FBXL2: variants seen among roughly 807,000 people sequenced by gnomAD.
FBXL2 encodes F-box and leucine rich repeat protein 2.
Under a neutral mutation model 69.2 loss-of-function variants are expected in FBXL2, and 38 were observed. That is an observed-to-expected ratio of 0.55 (90% confidence interval 0.42 to 0.72). The LOEUF (loss-of-function observed/expected upper bound fraction) is 0.72, where lower values mean the gene tolerates loss of function less well. FBXL2 is among the 30% of genes least tolerant of loss of function. The pLI is 0.00. For missense variants in FBXL2, 354 were observed against 520.3 expected (o/e 0.68, Z 3.11); for synonymous variants, 192 against 201.3 (o/e 0.95, Z 0.39).
chr3:33,356,714 A>C (rs1401719675), intron 2 of FBXL2, among the ~76,000 whole-genome samples: 1 of 151,964 alleles, frequency 6.6e-6, no homozygotes, highest in East Asian at 1.9e-4. Flanking sequence ...GTTTTTGGGA[A>C]CTCTTACGGG....
chr3:33,393,463 A>C, intron 12 of FBXL2: 1 of 282,820 alleles, frequency 3.5e-6, no homozygotes, highest in Non-Finnish European at 5.7e-6. Context: ...AACTGAAATT[A>C]AAAAAAAAAA....
At chr3:33,383,367 A>G (rs541396776) in intron 13 of FBXL2, 4 of 153,184 alleles carry the variant, frequency 2.6e-5, no homozygotes, top group African/African-American at 9.6e-5. Flanking sequence ...AGAACTTAAG[A>G]GAATTACATA....
At chr3:33,372,144 G>A (rs1296507278) in intron 5 of FBXL2, among the ~76,000 whole-genome samples, 2 of 152,116 alleles carry the variant, frequency 1.3e-5, no homozygotes, top group East Asian at 1.9e-4. Context: ...TGCCTAGGCT[G>A]GTCTCAAACT....
chr3:33,381,868 G>A (rs995127254), intron 13 of FBXL2, among the ~76,000 whole-genome samples: 1 of 152,098 alleles, frequency 6.6e-6, no homozygotes, highest in African/African-American at 2.4e-5. Flanking sequence ...AGAGTGATTC[G>A]ATTCATGAGA....
intron 2 of FBXL2, among the ~76,000 whole-genome samples, chr3:33,301,134 C>A (rs2036256883): frequency 1.3e-5 from 2 of 152,136 alleles, no homozygotes; most frequent in African/African-American, 4.8e-5. Flanking sequence ...AAGCTTAAAT[C>A]TTTATTATTT....
the FBXL2 span, chr3:33,411,696 T>C: frequency 6.2e-7 from 1 of 1,606,158 alleles, no homozygotes; most frequent in Non-Finnish European, 8.5e-7. Flanking sequence ...ATCTATGTTT[T>C]AAAAAGAAGT....
At chr3:33,353,729 T>A (rs1273136276) in intron 2 of FBXL2, among the ~76,000 whole-genome samples, 2 of 152,224 alleles carry the variant, frequency 1.3e-5, no homozygotes, top group East Asian at 1.9e-4. Flanking sequence ...TTCAAAAAAT[T>A]TTTTTTTCTA....
intron 4 of FBXL2, 67 bp downstream of exon 4, chr3:33,359,424 CT>C: frequency 8.9e-7 from 1 of 1,128,748 alleles, no homozygotes. Context: ...CCTTTCCTGA[CT>C]TTTTATTTTA....
chr3:33,296,682 G>T (rs2035778708), intron 1 of FBXL2, among the ~76,000 whole-genome samples: 1 of 151,906 alleles, frequency 6.6e-6, no homozygotes, highest in African/African-American at 2.4e-5. Flanking sequence ...TTTATTTCTG[G>T]ATTCTCTTTA....
chr3:33,363,045 T>C lies in FBXL2; in HGVS notation c.196-1580T>C, dbSNP rs912558801. 1.1e-4 allele frequency among the ~76,000 whole-genome samples: 17 copies of C among 152,064 alleles called. No individual in the cohort carries two copies. The South Asian group carries it at 1.9e-3, about 17-fold the overall frequency. On this transcript the variant is annotated intron_variant, in intron 4 of 14. Coordinates refer to ENST00000484457, the MANE Select transcript of FBXL2 (RefSeq NM_012157.5). The stretch of plus-strand genomic sequence containing the variant: ...ATATGTATCCTGTGGGGTTTTTTGT[T>C]TGTTTGTTTTTATGAGACAGAGTCT...
intron 1 of FBXL2, among the ~76,000 whole-genome samples, chr3:33,286,534 G>A (rs940134521): frequency 7.9e-5 from 12 of 152,184 alleles, no homozygotes; most frequent in Non-Finnish European, 1.2e-4. Flanking sequence ...CTCCAACTCC[G>A]TGCTCAGAGA....
Position 33,373,264 on chromosome 3 carries a change from T to A in FBXL2, c.364T>A (p.Cys122Ser), listed in dbSNP as rs2042413597. Residue 122 changes from cysteine to serine, a missense_variant, in exon 7 of 15, where the codon TGT (cysteine) becomes AGT (serine). Cys to Ser is a moderately radical substitution (Grantham distance 112). Coordinates refer to ENST00000484457, the MANE Select transcript of FBXL2 (RefSeq NM_012157.5). ...NGCTKITDST[C>S]YSLSRFCSKL... The stretch of plus-strand genomic sequence containing the variant: ...AGTGCGTCTGCTCTTTTTCAGCACG[T>A]GTTATAGCCTTAGCAGATTCTGTTC... The A allele has an allele frequency of 5.6e-6, 9 of 1,614,116 alleles. No homozygotes were observed. In the East Asian group the frequency reaches 2.0e-4, roughly 36 times the overall value.
chr3:33,342,975 C>T (rs1434900537), intron 2 of FBXL2, among the ~76,000 whole-genome samples: 7 of 149,200 alleles, frequency 4.7e-5, no homozygotes, highest in African/African-American at 1.2e-4. Flanking sequence ...CTCCTGACCT[C>T]GTGATCCGTC....
At chr3:33,300,813 A>G (rs1321094190) in intron 2 of FBXL2, among the ~76,000 whole-genome samples, 2 of 147,860 alleles carry the variant, frequency 1.4e-5, no homozygotes, top group African/African-American at 5.0e-5. Flanking sequence ...GGTTCACGCC[A>G]TTCTCCTGCC....
intron 2 of FBXL2, among the ~76,000 whole-genome samples, chr3:33,346,401 T>C (rs2040439387): frequency 6.6e-6 from 1 of 150,958 alleles, no homozygotes; most frequent in Non-Finnish European, 1.5e-5. Flanking sequence ...TGAGACCCCA[T>C]CTCTATCAAG....
chr3:33,416,861 AC>A, the FBXL2 span: 16 of 1,570,282 alleles, frequency 1.0e-5, no homozygotes, highest in Non-Finnish European at 1.3e-5. Context: ...TGTATAAAAA[AC>A]AATCCTTATA....
intron 1 of FBXL2, among the ~76,000 whole-genome samples, chr3:33,294,714 G>A (rs1210477439): frequency 1.3e-5 from 2 of 151,900 alleles, no homozygotes; most frequent in Non-Finnish European, 2.9e-5. Flanking sequence ...GTAGTGGCAT[G>A]TACCTGTAGT....
chr3:33,397,162 CAAAT>C (rs2044032760), intron 12 of FBXL2: 6 of 1,526,664 alleles, frequency 3.9e-6, no homozygotes, highest in Non-Finnish European at 8.8e-7. Context: ...ATATTTTTCT[CAAAT>C]AAATGGAAAA....
At chr3:33,416,977 C>T in the FBXL2 span, 1 of 646,242 alleles carries the variant, frequency 1.5e-6, no homozygotes, top group Non-Finnish European at 2.7e-6. Flanking sequence ...TCAGGTTGAT[C>T]CTTCTCTTCC....
Sources: allele counts gnomAD v4.1 joint callset (sites outside exome capture counted in the v4.1 genomes callset), GRCh38; gene constraint gnomAD v4.1.1; transcripts MANE v1.5; gene names NCBI Gene and HGNC (gene_info 2026-07-23, HGNC 2026-07-21).